The following MYBBP1A variants were observed in gnomAD, a reference collection of about 807,000 sequenced individuals.
MYBBP1A encodes the protein MYB binding protein 1a, also known as myb-binding protein 1A.
In MYBBP1A, 147 loss-of-function variants were observed where a neutral mutation model predicts 136.3. That is an observed-to-expected ratio of 1.08 (90% confidence interval 0.94 to 1.24). The LOEUF is 1.24. Ranked by LOEUF, MYBBP1A falls within the 50% of genes most tolerant of loss-of-function variation. MYBBP1A has a pLI of 0.00. For synonymous variants in MYBBP1A, 947 were observed against 735.8 expected (o/e 1.29, Z -4.65); for missense variants, 2,060 against 1,727.4 (o/e 1.19, Z -3.41).
At chr17:4,550,393 G>C (rs1907406248) in intron 8 of MYBBP1A, 40 bp from the exon 9 acceptor site, 1 of 1,567,990 alleles carries the variant, frequency 6.4e-7, no homozygotes, top group South Asian at 1.2e-5. Flanking sequence ...ACCAGCCCAG[G>C]GGGGCAGGCG....
chr17:4,552,345 G>C lies in MYBBP1A; in HGVS notation c.738-53C>G. The C allele has an allele frequency of 6.2e-7, 1 of 1,609,568 alleles. No individual in the cohort carries two copies. The highest frequency in any genetic ancestry group is 8.5e-7 in the Non-Finnish European group (1 of 1,178,190). On this transcript the variant is annotated intron_variant, in intron 6 of 25. Transcript: ENST00000254718. This position sits in a 1 kb window ranked among gnomAD's most constrained non-coding sequence, Gnocchi z 4.7. ...ACTTGCCTCACAGGCAAGGGCCAGG[G>C]TGACAAGAGCAGCCGGGACACCCCC...
intron 1 of MYBBP1A, 62 bp downstream of exon 1, chr17:4,555,065 G>A: frequency 6.4e-7 from 1 of 1,573,740 alleles, no homozygotes; most frequent in South Asian, 1.1e-5. Flanking sequence ...CAACTCCCTG[G>A]GCCCGCCGCC....
chr17:4,548,274 T>C lies in MYBBP1A; in HGVS notation c.1593A>G (p.Ala531=). Residue 531 remains alanine, a synonymous_variant, in exon 12 of 26, where the codon GCA becomes GCG. Coordinates refer to ENST00000254718, the MANE Select transcript of MYBBP1A (RefSeq NM_014520.4). The surrounding 1 kb of genome is among the most constrained non-coding windows in gnomAD (Gnocchi z 4.2). ...GCTGCCCACCCTGGGTCTGGCCCGG[T>C]GCCTGCTTGAACTGCGTGCTGAGGG... ...LQTLSTQFKQ[A]PGQTQGGQPW... 6 of 1,612,554 alleles carry C rather than the reference T, an allele frequency of 3.7e-6. No individual in the cohort carries two copies. Among genetic ancestry groups the C allele is most frequent in the Non-Finnish European group, 5.1e-6 (6 of 1,179,988 alleles).
intron 8 of MYBBP1A, among the ~76,000 whole-genome samples, chr17:4,551,443 T>TCA (rs1453157153): frequency 1.3e-5 from 2 of 152,234 alleles, no homozygotes; most frequent in African/African-American, 4.8e-5. Context: ...GTACAGTGGC[T>TCA]CACGTCTGTA....
Position 4,554,888 on chromosome 17 carries a change from C to A in MYBBP1A, c.267G>T (p.Arg89=). The A allele has an allele frequency of 6.2e-7, 1 of 1,613,634 alleles. No homozygotes were observed. Among genetic ancestry groups the A allele is most frequent in the Non-Finnish European group, 8.5e-7 (1 of 1,180,040 alleles). Residue 89 remains arginine, a synonymous_variant, in exon 2 of 26, where the codon CGG becomes CGT. Coordinates refer to ENST00000254718, the MANE Select transcript of MYBBP1A (RefSeq NM_014520.4). The stretch of plus-strand genomic sequence containing the variant: ...GTGCCAGGGCCAAACTGTAGCAGGG[C>A]CGGGCTGTTTCTCGCCCGACCCCGA... The part of the protein sequence containing the change: ...TGLGVGRETA[R]PCYSLALAQL...
chr17:4,546,927 T>A (rs967262477), intron 13 of MYBBP1A, among the ~76,000 whole-genome samples: 6 of 142,324 alleles, frequency 4.2e-5, no homozygotes, highest in African/African-American at 1.8e-4. Flanking sequence ...TTTTTTTTTT[T>A]CTAAGACAGA....
At chr17:4,551,023 T>TGC (rs1158814555) in intron 8 of MYBBP1A, among the ~76,000 whole-genome samples, 9 of 152,372 alleles carry the variant, frequency 5.9e-5, no homozygotes, top group African/African-American at 1.9e-4. Flanking sequence ...TTTAGACTTG[T>TGC]GCCCCTGGCA....
At chr17:4,549,277 C>T in intron 10 of MYBBP1A, 55 bp downstream of exon 10, 2 of 1,545,958 alleles carry the variant, frequency 1.3e-6, no homozygotes, top group South Asian at 1.1e-5. Context: ...AGTTAAGGGG[C>T]CCCATTCCTT....
chr17:4,545,414 T>C, intron 15 of MYBBP1A, 69 bp from the exon 16 acceptor site: 1 of 1,588,382 alleles, frequency 6.3e-7, no homozygotes, highest in Non-Finnish European at 8.6e-7. Context: ...CACTCAGCCT[T>C]GACCAAAGAC....
Position 4,544,686 on chromosome 17 carries a change from G to A in MYBBP1A, c.2482-40C>T, listed in dbSNP as rs200631753. 529 of 1,299,860 alleles carry A rather than the reference G, an allele frequency of 4.1e-4. 3 individuals are homozygous for A. Among genetic ancestry groups the A allele is most frequent in the South Asian group, 3.8e-3 (275 of 71,506 alleles). 80.5% of individuals were successfully genotyped at this position (1,299,860 alleles called of 1,614,324 possible). A position where few individuals can be genotyped will look rare whatever the true frequency, so the allele number is the denominator to read the frequency against. On this transcript the variant is annotated intron_variant, in intron 18 of 25. Coordinates refer to ENST00000254718, the MANE Select transcript of MYBBP1A (RefSeq NM_014520.4). ...GCAGGTCAGCAACACGGGGGTGGGC[G>A]CACAGGGAGGCGGGGGTGGGCGCAC...
chr17:4,541,547 C>T lies in MYBBP1A; in HGVS notation c.3213G>A (p.Gly1071=), dbSNP rs1403084790. 6 of 1,612,668 alleles carry T rather than the reference C, an allele frequency of 3.7e-6. No individual in the cohort carries two copies. The highest frequency in any genetic ancestry group is 5.1e-6 in the Non-Finnish European group (6 of 1,180,020). Residue 1071 remains glycine, a synonymous_variant, in exon 24 of 26, where the codon GGG becomes GGA. Coordinates refer to ENST00000254718, the MANE Select transcript of MYBBP1A (RefSeq NM_014520.4). The part of the protein sequence containing the change: ...AKVTENLRVL[G]EAQTKAQHQQ... ...GATGCTGCGCCTTGGTCTGCGCCTC[C>T]CCCAGCACGCGCAAGTTCTAGGGAA...
In MYBBP1A at chr17:4,552,036, G is replaced by A. The variant is rs1907564655; in HGVS notation, c.906-39C>T. ...AGGACAGAGCCTGGTCAGAGCCCTT[G>A]GTGCCCCTGGTGGGAACCTCAGGAC... On this transcript the variant is annotated intron_variant, in intron 7 of 25. Coordinates refer to ENST00000254718, the MANE Select transcript of MYBBP1A (RefSeq NM_014520.4). The surrounding 1 kb of genome is among the most constrained non-coding windows in gnomAD (Gnocchi z 4.7). 6.3e-7 allele frequency: 1 copy of A among 1,594,334 alleles called. No homozygotes were observed. Among genetic ancestry groups the A allele is most frequent in the East Asian group, 2.2e-5 (1 of 44,544 alleles).
rs769718989 is a variant in MYBBP1A at position 4,550,343 on chromosome 17, T to A, written c.1034A>T (p.Gln345Leu). The A allele has an allele frequency of 1.9e-6, 3 of 1,611,308 alleles. No individual in the cohort carries two copies. Among genetic ancestry groups the A allele is most frequent in the East Asian group, 4.5e-5 (2 of 44,874 alleles). Reference protein sequence around the residue: ...EHVCTAKLPKQFKFAPEMDDY... With the variant: ...EHVCTAKLPKLFKFAPEMDDY... ...GTCCATCTCTGGGGCAAACTTGAAC[T>A]GCTTTGGGAGCTGCAAGAGTTAGGC... The change falls in exon 9 of 26, where the codon CAG becomes CTG. Residue 345 changes from glutamine to leucine, a missense_variant. Physicochemically the swap from Gln to Leu is moderately radical, Grantham distance 113. Coordinates refer to ENST00000254718, the MANE Select transcript of MYBBP1A (RefSeq NM_014520.4).
In MYBBP1A at chr17:4,548,773, G is replaced by T; in HGVS notation, c.1431-124C>A. 1 of 1,375,946 alleles carries T rather than the reference G, an allele frequency of 7.3e-7. No homozygotes were observed. 85.2% of individuals were successfully genotyped at this position (1,375,946 alleles called of 1,614,324 possible). A position where few individuals can be genotyped will look rare whatever the true frequency, so the allele number is the denominator to read the frequency against. On this transcript the variant is annotated intron_variant, in intron 10 of 25. Transcript: ENST00000254718. The surrounding 1 kb of genome is among the most constrained non-coding windows in gnomAD (Gnocchi z 4.2). Reference sequence around the variant, plus strand: ...AGGAGGAGCCGCCCTTCTGCCCTGGGTACAGTCCTCGGGGGCCTGACGGGC... The same window carrying T: ...AGGAGGAGCCGCCCTTCTGCCCTGGTTACAGTCCTCGGGGGCCTGACGGGC...
chr17:4,544,837 C>G lies in MYBBP1A; in HGVS notation c.2395G>C (p.Glu799Gln). 9 of 1,607,964 alleles carry G rather than the reference C, an allele frequency of 5.6e-6. No individual in the cohort carries two copies. Among genetic ancestry groups the G allele is most frequent in the Non-Finnish European group, 7.6e-6 (9 of 1,177,648 alleles). The change falls in exon 18 of 26, where the codon GAG (glutamate) becomes CAG (glutamine). Residue 799 changes from glutamate to glutamine, a missense_variant. By Grantham distance (29) the Glu-to-Gln change is conservative. Transcript: ENST00000254718. Reference sequence around the variant, plus strand: ...CGGGCCTGGATACGCAGCTTCTGCTCGGCAAAGAGGCTGGCGAGGCTCTGG... The same window carrying G: ...CGGGCCTGGATACGCAGCTTCTGCTGGGCAAAGAGGCTGGCGAGGCTCTGG... ...LDQSLASLFA[E>Q]QKLRIQARRD... is the part of the protein sequence containing the mutation.
At chr17:4,542,232 GGAGT>G (rs1240992014) in intron 22 of MYBBP1A, 3 of 593,244 alleles carry the variant, frequency 5.1e-6, no homozygotes, top group Non-Finnish European at 8.9e-6. Flanking sequence ...AGTGGCTGCG[GGAGT>G]GAGGCTGGCC....
chr17:4,553,007 A>G (rs905975486), intron 5 of MYBBP1A, among the ~76,000 whole-genome samples: 2 of 152,120 alleles, frequency 1.3e-5, no homozygotes, highest in Non-Finnish European at 2.9e-5. Flanking sequence ...TTTTTAGTAG[A>G]GATGGGGTTT....
intron 13 of MYBBP1A, 51 bp downstream of exon 13, chr17:4,547,907 T>C (rs1296632633): frequency 2.5e-5 from 34 of 1,381,024 alleles, no homozygotes; most frequent in Non-Finnish European, 3.2e-5. Flanking sequence ...AGGGGGCCCA[T>C]TGTGCCATAG....
chr17:4,545,950 C>A lies in MYBBP1A; in HGVS notation c.1825-8G>T, dbSNP rs1349774717. On this transcript the variant is annotated splice_polypyrimidine_tract_variant and splice_region_variant and intron_variant, in intron 13 of 25. Coordinates refer to ENST00000254718, the MANE Select transcript of MYBBP1A (RefSeq NM_014520.4). ...ACAGCTCTCTGCAGGGGACTGCGGG[C>A]AGGGTAGGACACACACTGGGGCCAG... is the stretch of plus-strand genomic sequence containing the variant. 6 of 1,611,572 alleles carry A rather than the reference C, an allele frequency of 3.7e-6. No homozygotes were observed. The highest frequency in any genetic ancestry group is 5.1e-6 in the Non-Finnish European group (6 of 1,179,018).
Sources: allele counts gnomAD v4.1 joint callset (sites outside exome capture counted in the v4.1 genomes callset), GRCh38; gene constraint gnomAD v4.1.1; non-coding constraint Gnocchi (gnomAD v3.1); transcripts MANE v1.5; gene names NCBI Gene and HGNC (gene_info 2026-07-23, HGNC 2026-07-21).